The following ITGB6 variants were observed in gnomAD, a reference collection of about 807,000 sequenced individuals.
ITGB6 encodes the protein integrin beta-6.
Under a neutral mutation model 84.5 loss-of-function variants are expected in ITGB6, and 80 were observed. The observed-to-expected ratio is 0.95, with a 90% confidence interval of 0.79 to 1.14. ITGB6 has a LOEUF of 1.14. ITGB6 is among the 50% of genes most tolerant of loss of function. The pLI, the probability that ITGB6 is intolerant of heterozygous loss-of-function variation, is 0.00. For missense variants in ITGB6, 1,006 were observed against 968.0 expected (o/e 1.04, Z -0.52); for synonymous variants, 383 against 354.9 (o/e 1.08, Z -0.89).
At chr2:160,124,630 T>A (rs758054765) in intron 11 of ITGB6, among the ~76,000 whole-genome samples, 2 of 152,244 alleles carry the variant, frequency 1.3e-5, no homozygotes, top group Non-Finnish European at 2.9e-5. Context: ...CTTGTTGTAA[T>A]TCAAAAACTG....
chr2:160,123,297 T>C (rs560957744), intron 12 of ITGB6, among the ~76,000 whole-genome samples: 1 of 152,084 alleles, frequency 6.6e-6, no homozygotes, highest in South Asian at 2.1e-4. Context: ...GTTTGGAAGG[T>C]TGGGAATAAA....
intron 7 of ITGB6, among the ~76,000 whole-genome samples, chr2:160,153,766 G>A (rs1167759234): frequency 1.3e-5 from 2 of 152,048 alleles, no homozygotes; most frequent in African/African-American, 4.8e-5. Flanking sequence ...TCAACAAGTG[G>A]ACAAAGGATA....
intron 4 of ITGB6, among the ~76,000 whole-genome samples, chr2:160,180,309 G>A (rs1685614653): frequency 6.6e-6 from 1 of 152,066 alleles, no homozygotes; most frequent in Non-Finnish European, 1.5e-5. Context: ...TTAAAGAGGT[G>A]GATTTTCTTT....
At chr2:160,191,837 G>A (rs187200489) in intron 4 of ITGB6, among the ~76,000 whole-genome samples, 7 of 152,138 alleles carry the variant, frequency 4.6e-5, no homozygotes, top group African/African-American at 1.4e-4. Context: ...AAGTGAATAC[G>A]CAAAATCAAT....
At chr2:160,189,859 T>C (rs571360361) in intron 4 of ITGB6, among the ~76,000 whole-genome samples, 129 of 152,290 alleles carry the variant, frequency 8.5e-4, no homozygotes, top group African/African-American at 2.9e-3. Flanking sequence ...ACTGGGTATA[T>C]ACCCAAAGGA....
intron 10 of ITGB6, among the ~76,000 whole-genome samples, chr2:160,127,636 T>C (rs1683291940): frequency 6.6e-6 from 1 of 152,234 alleles, no homozygotes; most frequent in African/African-American, 2.4e-5. Flanking sequence ...CACTCATATT[T>C]GGCTCAGAAT....
At chr2:160,167,450 G>A (rs908332933) in intron 7 of ITGB6, among the ~76,000 whole-genome samples, 1 of 152,176 alleles carries the variant, frequency 6.6e-6, no homozygotes, top group Non-Finnish European at 1.5e-5. Context: ...TGGCTGACCT[G>A]GACTGTCGTA....
chr2:160,195,833 A>C (rs1276499310), intron 3 of ITGB6, among the ~76,000 whole-genome samples: 1 of 152,238 alleles, frequency 6.6e-6, no homozygotes, highest in South Asian at 2.1e-4. Flanking sequence ...AGGATATTTT[A>C]TCTCTCCTTG....
chr2:160,156,360 C>T (rs1360599278), intron 7 of ITGB6, among the ~76,000 whole-genome samples: 1 of 152,176 alleles, frequency 6.6e-6, no homozygotes, highest in Non-Finnish European at 1.5e-5. Context: ...CAGTTGCCAA[C>T]TCAGGGGCCT....
intron 12 of ITGB6, among the ~76,000 whole-genome samples, chr2:160,117,674 C>T (rs1165409361): frequency 6.6e-6 from 1 of 151,994 alleles, no homozygotes; most frequent in Non-Finnish European, 1.5e-5. Context: ...CAGAGCAGAA[C>T]TGAAGGAAAT....
Position 160,199,221 on chromosome 2 carries a change from G to GT in ITGB6, c.98dup (p.Asp33GlufsTer28). The GT allele has an allele frequency of 6.2e-7, 1 of 1,614,126 alleles. No homozygotes were observed. Among genetic ancestry groups the GT allele is most frequent in the Non-Finnish European group, 8.5e-7 (1 of 1,179,984 alleles). On this transcript the variant is annotated frameshift_variant, in exon 2 of 15. Transcript: ENST00000283249. LOFTEE classifies it high-confidence loss of function. ...CACACTGAGGTCCAATAAGCAGGCA[G>GT]TCTTCACAGGTTTCTGCACCTCCCA...
intron 14 of ITGB6, 68 bp from the exon 15 acceptor site, chr2:160,101,902 T>C: frequency 1.2e-6 from 1 of 838,168 alleles, no homozygotes; most frequent in Non-Finnish European, 2.0e-6. Flanking sequence ...TAATACGTAG[T>C]GCAAATTGGA....
At chr2:160,195,699 A>T (rs1686309951) in intron 3 of ITGB6, 84 bp from the exon 4 acceptor site, 2 of 1,469,700 alleles carry the variant, frequency 1.4e-6, no homozygotes, top group Admixed American at 3.7e-5. Flanking sequence ...TCAGCTGGCT[A>T]TTTCACCTCA....
chr2:160,195,645 A>C (rs1686307162), intron 3 of ITGB6, 30 bp from the exon 4 acceptor site: 1 of 1,611,344 alleles, frequency 6.2e-7, no homozygotes, highest in Admixed American at 1.7e-5. Flanking sequence ...AAGCAAACCC[A>C]GGAAAACACA....
At chr2:160,159,347 T>A in intron 7 of ITGB6, among the ~76,000 whole-genome samples, 1 of 152,146 alleles carries the variant, frequency 6.6e-6, no homozygotes, top group Admixed American at 6.5e-5. Context: ...AGCACCTAAG[T>A]TTGAGAACTG....
At chr2:160,105,524 C>T (rs1002919897) in intron 14 of ITGB6, among the ~76,000 whole-genome samples, 4 of 152,198 alleles carry the variant, frequency 2.6e-5, no homozygotes, top group Non-Finnish European at 4.4e-5. Flanking sequence ...CCAGGAGGGT[C>T]AACCAAAGGC....
intron 5 of ITGB6, among the ~76,000 whole-genome samples, chr2:160,173,217 A>G (rs1052238278): frequency 6.6e-6 from 1 of 152,240 alleles, no homozygotes; most frequent in Non-Finnish European, 1.5e-5. Flanking sequence ...TGAACCTAAT[A>G]CAAGGATAAG....
At chr2:160,187,080 C>T (rs1022578343) in intron 4 of ITGB6, among the ~76,000 whole-genome samples, 9 of 151,916 alleles carry the variant, frequency 5.9e-5, no homozygotes, top group African/African-American at 1.5e-4. Context: ...CAAACCTGTA[C>T]GTTCTGCAAA....
chr2:160,153,413 C>T (rs1057169965), intron 7 of ITGB6, among the ~76,000 whole-genome samples: 47 of 152,144 alleles, frequency 3.1e-4, no homozygotes, highest in Non-Finnish European at 6.0e-4. Context: ...GGATCCCTTC[C>T]TTACACCTTA....
Sources: allele counts gnomAD v4.1 joint callset (sites outside exome capture counted in the v4.1 genomes callset), GRCh38; gene constraint gnomAD v4.1.1; transcripts MANE v1.5; gene names NCBI Gene and HGNC (gene_info 2026-07-23, HGNC 2026-07-21).